SEMA3D: variants seen among roughly 807,000 people sequenced by gnomAD.
SEMA3D encodes semaphorin 3D.
A neutral mutation model predicts 100.1 loss-of-function variants in SEMA3D; 84 were observed. The ratio of observed to expected loss-of-function variants is 0.84; its 90% confidence interval spans 0.70 to 1.01. The LOEUF is 1.01. SEMA3D is among the 50% of genes least tolerant of loss of function. The pLI is 0.00. For synonymous variants in SEMA3D, 312 were observed against 320.7 expected (o/e 0.97, Z 0.29); for missense variants, 875 against 934.1 (o/e 0.94, Z 0.82).
chr7:85,105,565 T>C (rs1324426486), intron 3 of SEMA3D, among the ~76,000 whole-genome samples: 1 of 152,084 alleles, frequency 6.6e-6, no homozygotes, highest in African/African-American at 2.4e-5. Context: ...TAGTCAAATC[T>C]AAAAGCCCTA....
upstream of SEMA3D, among the ~76,000 whole-genome samples, chr7:85,191,688 C>G (rs983522720): frequency 2.6e-4 from 39 of 152,254 alleles, no homozygotes; most frequent in African/African-American, 9.1e-4. Flanking sequence ...TGTGCAGTAA[C>G]TGGCAAGAGC....
At chr7:85,219,336 A>G in the SEMA3D span, among the ~76,000 whole-genome samples, 1 of 152,124 alleles carries the variant, frequency 6.6e-6, no homozygotes. Flanking sequence ...CTTCACTGCC[A>G]GTGCCCTTAA....
intron 1 of SEMA3D, chr7:85,167,558 T>A: frequency 5.2e-6 from 1 of 192,610 alleles, no homozygotes; most frequent in Non-Finnish European, 9.5e-6. Context: ...CAAGAAGCAT[T>A]ATAAGCATTC....
intron 17 of SEMA3D, among the ~76,000 whole-genome samples, chr7:85,010,006 C>CA (rs368556397): frequency 2.5e-3 from 361 of 144,222 alleles, no homozygotes; most frequent in Non-Finnish European, 2.9e-3. Context: ...ATACCAAGGG[C>CA]AAAAAAAAAA....
intron 2 of SEMA3D, chr7:85,143,412 G>C (rs1465053672): frequency 6.3e-6 from 1 of 158,848 alleles, no homozygotes; most frequent in Admixed American, 6.6e-5. Flanking sequence ...AGATGGTACA[G>C]CCTACTACAC....
At chr7:85,214,244 G>A in the SEMA3D span, among the ~76,000 whole-genome samples, 4 of 152,104 alleles carry the variant, frequency 2.6e-5, no homozygotes, top group Non-Finnish European at 5.9e-5. Context: ...ATTCAACATT[G>A]TGGATCAATA....
In SEMA3D at chr7:85,012,836, G is replaced by A. The variant is rs754910513; in HGVS notation, c.1714C>T (p.Arg572Cys). 45 of 1,609,978 alleles carry A rather than the reference G, an allele frequency of 2.8e-5. No individual in the cohort carries two copies. The highest frequency in any genetic ancestry group is 8.8e-5 in the South Asian group (8 of 91,026). ...YAPTSKRRAR[R>C]QDVKYGDPIT... ...GGGTCGCCATATTTTACATCTTGGC[G>A]TCTAGCTCTCCTGCGGAAAGGGGAT... The change falls in exon 17 of 19, where the codon CGC becomes TGC. Residue 572 changes from arginine (R) to cysteine (C), a missense_variant. Arg to Cys is a radical substitution (Grantham distance 180). Transcript: ENST00000284136.
At chr7:85,200,290 A>G in the SEMA3D span, among the ~76,000 whole-genome samples, 1 of 152,216 alleles carries the variant, frequency 6.6e-6, no homozygotes, top group East Asian at 1.9e-4. Flanking sequence ...GGAACTTCCT[A>G]GAGACTTGTT....
At chr7:85,023,451 C>T (rs1438264566) in intron 12 of SEMA3D, among the ~76,000 whole-genome samples, 1 of 151,804 alleles carries the variant, frequency 6.6e-6, no homozygotes, top group Non-Finnish European at 1.5e-5. Context: ...GAAGGTACCT[C>T]GTATAGAACG....
At chr7:85,136,170 T>C (rs944767372) in intron 2 of SEMA3D, among the ~76,000 whole-genome samples, 8 of 152,136 alleles carry the variant, frequency 5.3e-5, no homozygotes, top group African/African-American at 9.7e-5. Flanking sequence ...CGTGTGTCCT[T>C]TGGAATGCCA....
chr7:85,151,483 TAGTTCTTAATCAGAACTAGGG>T (rs576128008), intron 2 of SEMA3D: 147 of 274,710 alleles, frequency 5.4e-4, no homozygotes, highest in South Asian at 4.1e-3. Context: ...AGAAAGAATA[TAGTTCTTAATCAGAACTAGGG>T]AGTTCTTAAT....
chr7:85,198,044 C>G, the SEMA3D span, among the ~76,000 whole-genome samples: 1 of 152,072 alleles, frequency 6.6e-6, no homozygotes, highest in South Asian at 2.1e-4. Flanking sequence ...CCATACAAAG[C>G]CTTCTCATTT....
At chr7:85,014,351 G>T (rs1020360303) in intron 16 of SEMA3D, among the ~76,000 whole-genome samples, 1 of 151,738 alleles carries the variant, frequency 6.6e-6, no homozygotes, top group African/African-American at 2.4e-5. Context: ...CAGGCATATC[G>T]ATGGGCATTC....
chr7:85,041,023 TTC>T (rs1790846731), intron 10 of SEMA3D: 1 of 213,496 alleles, frequency 4.7e-6, no homozygotes, highest in South Asian at 9.6e-5. Flanking sequence ...TGTAAAAAAA[TTC>T]TGTCCTATAA....
At chr7:85,240,385 A>T in the SEMA3D span, among the ~76,000 whole-genome samples, 3 of 151,984 alleles carry the variant, frequency 2.0e-5, no homozygotes, top group Non-Finnish European at 2.9e-5. Context: ...TGTATGTATT[A>T]TTGGATTTGA....
intron 1 of SEMA3D, among the ~76,000 whole-genome samples, chr7:85,183,261 C>A (rs1179955152): frequency 6.6e-6 from 1 of 152,078 alleles, no homozygotes; most frequent in African/African-American, 2.4e-5. Context: ...TTATGATAAC[C>A]CTTTTGATAG....
chr7:85,050,807 A>G lies in SEMA3D; in HGVS notation c.861+4910T>C. The G allele has an allele frequency of 8.5e-6, 4 of 470,992 alleles. No individual in the cohort carries two copies. In the South Asian group the frequency reaches 1.6e-4, roughly 18 times the overall value. The allele number at this position is 470,992 out of a possible 1,614,324, so 29.2% of individuals were successfully genotyped here. A position where few individuals can be genotyped will look rare whatever the true frequency, so the allele number is the denominator to read the frequency against. ...CAGCCTTTAAAACTAATAAAATGAC[A>G]TATCTCTTTGATCACCTTTGGTAAC... On this transcript the variant is annotated intron_variant, in intron 9 of 18. Transcript: ENST00000284136.
At chr7:85,236,137 G>A in the SEMA3D span, among the ~76,000 whole-genome samples, 1 of 151,900 alleles carries the variant, frequency 6.6e-6, no homozygotes, top group Non-Finnish European at 1.5e-5. Context: ...TACCAAATGA[G>A]CTACCATGAG....
At chr7:85,028,384 CAAAA>C (rs61589019) in intron 12 of SEMA3D, 4,071 of 181,972 alleles carry the variant, frequency 0.022, no homozygotes, top group South Asian at 0.036. Flanking sequence ...ACAGTTTAGA[CAAAA>C]AAAAAAAAAA....
Sources: allele counts gnomAD v4.1 joint callset (sites outside exome capture counted in the v4.1 genomes callset), GRCh38; gene constraint gnomAD v4.1.1; transcripts MANE v1.5; gene names NCBI Gene and HGNC (gene_info 2026-07-23, HGNC 2026-07-21).